PLXNA2: variants seen among roughly 807,000 people sequenced by gnomAD.
The protein encoded by PLXNA2 is plexin-A2.
PLXNA2 carries 91 observed loss-of-function variants against 193.5 expected under a neutral mutation model. That is an observed-to-expected ratio of 0.47 (90% confidence interval 0.40 to 0.56). The LOEUF (loss-of-function observed/expected upper bound fraction) is 0.56. Ranked by LOEUF, PLXNA2 falls within the 20% of genes least tolerant of loss-of-function variation. The pLI is 0.00. For synonymous variants in PLXNA2, 997 were observed against 1,027.3 expected (o/e 0.97, Z 0.56); for missense variants, 1,995 against 2,503.2 (o/e 0.80, Z 4.33).
At chr1:208,224,327 T>C (rs1671444457) in intron 1 of PLXNA2, among the ~76,000 whole-genome samples, 5 of 144,876 alleles carry the variant, frequency 3.5e-5, no homozygotes, top group Admixed American at 1.5e-4. Context: ...ATGATTCTCA[T>C]TGAGAACCAA....
At chr1:208,114,005 T>C (rs901474947) in intron 4 of PLXNA2, among the ~76,000 whole-genome samples, 1 of 152,130 alleles carries the variant, frequency 6.6e-6, no homozygotes, top group African/African-American at 2.4e-5. Flanking sequence ...GAATAGAAGG[T>C]TGAAGCCACC....
chr1:208,092,785 C>A lies in PLXNA2; in HGVS notation c.2097+1G>T, dbSNP rs1440056426. 1 of 1,608,626 alleles carries A rather than the reference C, an allele frequency of 6.2e-7. No homozygotes were observed. Among genetic ancestry groups the A allele is most frequent in the Non-Finnish European group, 8.5e-7 (1 of 1,175,614 alleles). ...GCCATGTTAGGGTAAGCCCTTCTTACCTCTGAAATATTGATCCGGCCCTCC... is the reference window on the plus strand; with the variant it reads ...GCCATGTTAGGGTAAGCCCTTCTTAACTCTGAAATATTGATCCGGCCCTCC... On this transcript the variant is annotated splice_donor_variant, in intron 9 of 31. Transcript: ENST00000367033. LOFTEE classifies it high-confidence loss of function.
intron 4 of PLXNA2, among the ~76,000 whole-genome samples, chr1:208,110,211 T>C (rs946731559): frequency 6.6e-6 from 1 of 152,206 alleles, no homozygotes; most frequent in African/African-American, 2.4e-5. Flanking sequence ...CCTCCTGACA[T>C]GCCTCTTACT....
rs779484799 is a variant in PLXNA2 at position 208,217,847 on chromosome 1, C to A, written c.76G>T (p.Val26Leu). ...RSVVLLSVVWVLLAPPAAGMP... is the reference protein window; with the variant it reads ...RSVVLLSVVWLLLAPPAAGMP... ...CCGGCTGCTGGGGGGGCCAGCAGCA[C>A]CCAGACCACTGAGAGCAGGACCACA... is the stretch of plus-strand genomic sequence containing the variant. The change falls in exon 2 of 32, where the codon GTG becomes TTG. Residue 26 changes from valine to leucine, a missense_variant. By Grantham distance (32) the Val-to-Leu change is conservative. Coordinates refer to ENST00000367033, the MANE Select transcript of PLXNA2 (RefSeq NM_025179.4). This position sits in a 1 kb window ranked among gnomAD's most constrained non-coding sequence, Gnocchi z 4.7. 9.9e-6 allele frequency: 16 copies of A among 1,613,988 alleles called. No individual in the cohort carries two copies. In the East Asian group the frequency reaches 3.3e-4, roughly 34 times the overall value.
At chr1:208,225,458 C>A (rs1671479830) in intron 1 of PLXNA2, among the ~76,000 whole-genome samples, 1 of 151,932 alleles carries the variant, frequency 6.6e-6, no homozygotes, top group Non-Finnish European at 1.5e-5. Context: ...GCCACAGGCA[C>A]CTGTCTACAC....
chr1:208,117,788 A>G (rs988243773), intron 4 of PLXNA2, among the ~76,000 whole-genome samples: 2 of 152,132 alleles, frequency 1.3e-5, no homozygotes, highest in Non-Finnish European at 2.9e-5. Context: ...GGGGAAAGCA[A>G]ATGAGAAAGA....
At chr1:208,098,448 TCTCTCTCTCTCA>T (rs1483290145) in intron 6 of PLXNA2, among the ~76,000 whole-genome samples, 4 of 120,108 alleles carry the variant, frequency 3.3e-5, no homozygotes, top group Non-Finnish European at 7.1e-5. Context: ...TCTCTCTCTC[TCTCTCTCTCTCA>T]CACACACACA....
At chr1:208,203,976 C>T (rs894778672) in intron 3 of PLXNA2, among the ~76,000 whole-genome samples, 1 of 152,166 alleles carries the variant, frequency 6.6e-6, no homozygotes, top group African/African-American at 2.4e-5. Flanking sequence ...CACAGTTTTC[C>T]TGGCTTTGCT....
chr1:208,131,148 C>T (rs1392696254), intron 4 of PLXNA2, among the ~76,000 whole-genome samples: 1 of 152,196 alleles, frequency 6.6e-6, no homozygotes, highest in Non-Finnish European at 1.5e-5. Context: ...AGGGACCTTG[C>T]CAAGTCCCGG....
In PLXNA2 at chr1:208,054,360, G is replaced by A. The variant is rs1665357129; in HGVS notation, c.2856+61C>T. On this transcript the variant is annotated intron_variant, in intron 14 of 31. Transcript: ENST00000367033. Reference sequence around the variant, plus strand: ...GGGGAGTGGGGGCTTCCTGGGAGGAGTCTGGAGCATGTGTGTCTCCTCCCT... The same window carrying A: ...GGGGAGTGGGGGCTTCCTGGGAGGAATCTGGAGCATGTGTGTCTCCTCCCT... The A allele has an allele frequency of 1.4e-5, 16 of 1,165,168 alleles. No homozygotes were observed. The South Asian group carries it at 2.0e-4, about 15-fold the overall frequency. The allele number at this position is 1,165,168 out of a possible 1,614,324, so 72.2% of individuals were successfully genotyped here. A position where few individuals can be genotyped will look rare whatever the true frequency, so the allele number is the denominator to read the frequency against.
intron 2 of PLXNA2, among the ~76,000 whole-genome samples, chr1:208,211,031 T>C (rs1238757786): frequency 6.6e-6 from 1 of 152,342 alleles, no homozygotes; most frequent in Admixed American, 6.5e-5. Flanking sequence ...CTCCCTACTA[T>C]CTTTCCATAC....
At chr1:208,139,519 T>C (rs564276113) in intron 4 of PLXNA2, among the ~76,000 whole-genome samples, 50 of 152,306 alleles carry the variant, frequency 3.3e-4, no homozygotes, top group Admixed American at 3.1e-3. Flanking sequence ...ACACTGACCT[T>C]GTGTGAGAAA....
chr1:208,120,633 C>G (rs1408562361), intron 4 of PLXNA2, among the ~76,000 whole-genome samples: 5 of 152,218 alleles, frequency 3.3e-5, no homozygotes, highest in Non-Finnish European at 2.9e-5. Flanking sequence ...TCAGCCCCTA[C>G]TTGCCCCTCA....
chr1:208,140,269 C>T (rs1427167358), intron 4 of PLXNA2, among the ~76,000 whole-genome samples: 1 of 152,170 alleles, frequency 6.6e-6, no homozygotes, highest in Non-Finnish European at 1.5e-5. Flanking sequence ...CACTCATCTG[C>T]CTCCAGCCCT....
At chr1:208,058,214 C>T (rs670893) in intron 13 of PLXNA2, among the ~76,000 whole-genome samples, 21,928 of 152,186 alleles carry the variant, frequency 0.14, 1,895 homozygotes, top group East Asian at 0.3. Context: ...GAATCTGCTC[C>T]ATGTGGAGCC....
chr1:208,086,723 C>T (rs1446154318), intron 9 of PLXNA2, among the ~76,000 whole-genome samples: 1 of 144,960 alleles, frequency 6.9e-6, no homozygotes, highest in Non-Finnish European at 1.5e-5. Flanking sequence ...TAAACTTGCT[C>T]TTTACTGCAC....
At chr1:208,104,437 G>T (rs1430613580) in intron 4 of PLXNA2, among the ~76,000 whole-genome samples, 1 of 152,214 alleles carries the variant, frequency 6.6e-6, no homozygotes, top group Non-Finnish European at 1.5e-5. Context: ...AGTTGGTAAT[G>T]ACAAACCGAG....
At chr1:208,085,229 G>T (rs1010287694) in intron 9 of PLXNA2, among the ~76,000 whole-genome samples, 12 of 152,280 alleles carry the variant, frequency 7.9e-5, no homozygotes, top group African/African-American at 2.6e-4. Flanking sequence ...AAGACAGATT[G>T]ATTTATGGAG....
intron 2 of PLXNA2, among the ~76,000 whole-genome samples, chr1:208,211,144 C>T (rs575322564): frequency 3.0e-4 from 45 of 152,306 alleles, no homozygotes; most frequent in African/African-American, 1.0e-3. Context: ...ATAATACCTG[C>T]CCACCTTTCT....
Sources: gnomAD v4.1 joint callset for allele counts (sites outside exome capture counted in the v4.1 genomes callset) on GRCh38, gnomAD v4.1.1 for gene constraint, Gnocchi (gnomAD v3.1) non-coding constraint, MANE v1.5 for transcripts, NCBI Gene and HGNC (gene_info 2026-07-23, HGNC 2026-07-21) for gene names.